SASH1: variants seen among roughly 807,000 people sequenced by gnomAD.
The protein encoded by SASH1 is SAM and SH3 domain containing 1.
In SASH1, 44 loss-of-function variants were observed where a neutral mutation model predicts 125.2. That is an observed-to-expected ratio of 0.35 (90% CI 0.28 to 0.45). SASH1 has a LOEUF of 0.45. SASH1 is among the 20% of genes least tolerant of loss of function. The pLI is 1.00. For synonymous variants in SASH1, 639 were observed against 649.1 expected (o/e 0.98, Z 0.24); for missense variants, 1,426 against 1,614.5 (o/e 0.88, Z 2.00).
chr6:148,390,908 AT>A (rs1466756997), intron 2 of SASH1, among the ~76,000 whole-genome samples: 2 of 151,700 alleles, frequency 1.3e-5, no homozygotes, highest in Admixed American at 6.6e-5. Context: ...GTCTAGGCTA[AT>A]TTTTTTTCCA....
chr6:148,446,603 C>CT (rs1776805678), intron 4 of SASH1, among the ~76,000 whole-genome samples: 1 of 152,122 alleles, frequency 6.6e-6, no homozygotes, highest in Non-Finnish European at 1.5e-5. Flanking sequence ...GGAGGGCCAC[C>CT]TGGCTATTTT....
At chr6:148,440,085 C>T (rs1309581442) in intron 2 of SASH1, 99 bp from the exon 3 acceptor site, 1 of 1,149,984 alleles carries the variant, frequency 8.7e-7, no homozygotes, top group Non-Finnish European at 1.3e-6. Flanking sequence ...ATACCCCAAC[C>T]TTTCCCGAAT....
chr6:148,388,251 C>T (rs1481668856), intron 1 of SASH1, among the ~76,000 whole-genome samples: 1 of 151,756 alleles, frequency 6.6e-6, no homozygotes, highest in African/African-American at 2.4e-5. Flanking sequence ...TTCCTGGAGG[C>T]AGCACAGCAG....
intron 18 of SASH1, among the ~76,000 whole-genome samples, 186 bp from the exon 19 acceptor site, chr6:148,545,829 A>G (rs1340843921): frequency 6.6e-6 from 1 of 152,268 alleles, no homozygotes; most frequent in Non-Finnish European, 1.5e-5. Context: ...GAATCCCAAC[A>G]CTTTGGGAGG....
At chr6:148,413,891 G>A (rs1021813711) in intron 2 of SASH1, among the ~76,000 whole-genome samples, 4 of 150,820 alleles carry the variant, frequency 2.7e-5, no homozygotes, top group South Asian at 2.1e-4. Context: ...GAATGATGAC[G>A]AAGCATAAAA....
chr6:148,298,382 C>T (rs1188323066), intron 1 of SASH1, among the ~76,000 whole-genome samples: 1 of 152,050 alleles, frequency 6.6e-6, no homozygotes, highest in African/African-American at 2.4e-5. Flanking sequence ...GTAATCCCAG[C>T]ACTTTGGGAG....
intron 1 of SASH1, among the ~76,000 whole-genome samples, chr6:148,383,076 C>T (rs1053546572): frequency 4.6e-5 from 7 of 152,136 alleles, no homozygotes; most frequent in African/African-American, 9.7e-5. Context: ...ACGACGACGA[C>T]GTGGCAGGAA....
chr6:148,477,538 C>A (rs935775976), intron 7 of SASH1, among the ~76,000 whole-genome samples: 4 of 122,844 alleles, frequency 3.3e-5, no homozygotes, highest in African/African-American at 1.5e-4. Context: ...ATTAAAATGG[C>A]TTTGTGGGAT....
chr6:148,538,193 T>C (rs1781987236), intron 16 of SASH1, among the ~76,000 whole-genome samples: 1 of 152,214 alleles, frequency 6.6e-6, no homozygotes, highest in South Asian at 2.1e-4. Context: ...GGTATTCTGC[T>C]GTGTCTGCTG....
At chr6:148,235,894 CTA>C in the SASH1 span, among the ~76,000 whole-genome samples, 1 of 152,164 alleles carries the variant, frequency 6.6e-6, no homozygotes, top group Non-Finnish European at 1.5e-5. Context: ...GTGTCTCTCA[CTA>C]TTAAGGAAAA....
intron 1 of SASH1, among the ~76,000 whole-genome samples, chr6:148,313,139 A>G (rs985476846): frequency 1.3e-5 from 2 of 152,212 alleles, no homozygotes; most frequent in Non-Finnish European, 2.9e-5. Flanking sequence ...GAAGTGGGGA[A>G]CTACATTAGC....
intron 11 of SASH1, 135 bp from the exon 12 acceptor site, chr6:148,527,318 A>T: frequency 1.4e-6 from 1 of 716,472 alleles, no homozygotes; most frequent in Non-Finnish European, 2.2e-6. Flanking sequence ...AATAGCACTG[A>T]GTTAACACAA....
intron 1 of SASH1, among the ~76,000 whole-genome samples, chr6:148,326,339 T>TATATATATATATATATATATATGC (rs1562326126): frequency 1.3e-5 from 1 of 76,342 alleles, no homozygotes; most frequent in Non-Finnish European, 2.6e-5. Context: ...TATATATATA[T>TATATATATATATATATATATATGC]ATATATATAT....
chr6:148,353,340 GTGATGGGAT>G (rs1401827851), intron 1 of SASH1, among the ~76,000 whole-genome samples: 1 of 151,848 alleles, frequency 6.6e-6, no homozygotes, highest in Non-Finnish European at 1.5e-5. Flanking sequence ...ACTTCCTAAA[GTGATGGGAT>G]TACAAGTGTG....
intron 10 of SASH1, among the ~76,000 whole-genome samples, chr6:148,522,267 T>G (rs1272199143): frequency 6.6e-6 from 1 of 152,238 alleles, no homozygotes; most frequent in Non-Finnish European, 1.5e-5. Flanking sequence ...TGTAGTACAG[T>G]TGTACAATCA....
At chr6:148,249,067 G>GATGA in the SASH1 span, among the ~76,000 whole-genome samples, 12,523 of 152,000 alleles carry the variant, frequency 0.082, 605 homozygotes, top group East Asian at 0.17. Context: ...ATGAATAACT[G>GATGA]ATGAATGAAT....
chr6:148,540,209 G>C (rs1298930000), intron 16 of SASH1, among the ~76,000 whole-genome samples: 2 of 152,116 alleles, frequency 1.3e-5, no homozygotes, highest in Non-Finnish European at 2.9e-5. Flanking sequence ...AACTTAAAAG[G>C]TGTCAACATA....
At chr6:148,471,199 G>A (rs1373789351) in intron 5 of SASH1, among the ~76,000 whole-genome samples, 1 of 151,440 alleles carries the variant, frequency 6.6e-6, no homozygotes, top group African/African-American at 2.4e-5. Context: ...TAACCTCACT[G>A]CACCGTTTCT....
chr6:148,516,667 T>C (rs1316459500), intron 9 of SASH1, among the ~76,000 whole-genome samples: 1 of 152,084 alleles, frequency 6.6e-6, no homozygotes, highest in Non-Finnish European at 1.5e-5. Context: ...TTTAATGTCA[T>C]CCTCAGAATA....
Sources: allele counts gnomAD v4.1 joint callset (sites outside exome capture counted in the v4.1 genomes callset), GRCh38; gene constraint gnomAD v4.1.1; transcripts MANE v1.5; gene names NCBI Gene and HGNC (gene_info 2026-07-23, HGNC 2026-07-21).